The following CDH4 variants were observed in gnomAD, a reference collection of about 807,000 sequenced individuals.
The protein encoded by CDH4 is cadherin 4.
CDH4 carries 33 observed loss-of-function variants against 86.0 expected under a neutral mutation model. The observed-to-expected ratio is 0.38, with a 90% CI of 0.29 to 0.51. CDH4 has a LOEUF of 0.51. Among genes scored for constraint, CDH4 ranks in the 20% least tolerant of loss-of-function variants. CDH4 has a pLI of 0.86. For missense variants in CDH4, 1,114 were observed against 1,307.4 expected (o/e 0.85, Z 2.28); for synonymous variants, 555 against 549.4 (o/e 1.01, Z -0.14).
At chr20:61,871,019 C>T (rs571770705) in intron 6 of CDH4, among the ~76,000 whole-genome samples, 2 of 147,786 alleles carry the variant, frequency 1.4e-5, no homozygotes, top group Non-Finnish European at 3.0e-5. Flanking sequence ...ATAAACATTA[C>T]GTATATGTAT....
At chr20:61,604,059 C>T (rs1031219636) in intron 2 of CDH4, among the ~76,000 whole-genome samples, 10 of 152,160 alleles carry the variant, frequency 6.6e-5, no homozygotes, top group Admixed American at 3.9e-4. Flanking sequence ...AGCTCCCTGC[C>T]GAGCCTCCCC....
rs963946226 is a variant in CDH4, at chr20:61,803,494, C to T, written c.576+30312C>T. ...GATTACATGTTAAGGTAGCTTTGGT[C>T]GGGGGATTAGAGCCGAAATCTCTGC... On this transcript the variant is annotated intron_variant, in intron 4 of 15. Coordinates refer to ENST00000614565, the MANE Select transcript of CDH4 (RefSeq NM_001794.5). Among the ~76,000 whole-genome samples, 10 of 152,196 alleles carry T rather than the reference C, an allele frequency of 6.6e-5. 1 individual carries two copies. The South Asian group carries it at 8.3e-4, about 13-fold the overall frequency.
intron 4 of CDH4, among the ~76,000 whole-genome samples, chr20:61,776,038 G>T (rs1422257557): frequency 6.6e-6 from 1 of 152,124 alleles, no homozygotes; most frequent in Non-Finnish European, 1.5e-5. Flanking sequence ...AGTGGCTGAG[G>T]AAGTGTGGGC....
At chr20:61,764,632 C>T (rs2088677474) in intron 3 of CDH4, among the ~76,000 whole-genome samples, 1 of 152,228 alleles carries the variant, frequency 6.6e-6, no homozygotes, top group Non-Finnish European at 1.5e-5. Context: ...AAAAGCCAAG[C>T]TCCACTTATG....
intron 2 of CDH4, among the ~76,000 whole-genome samples, chr20:61,285,333 A>G (rs994173578): frequency 5.9e-5 from 9 of 152,228 alleles, no homozygotes; most frequent in Non-Finnish European, 1.3e-4. Flanking sequence ...ATAGGAGTGT[A>G]GCATAGAGCA....
chr20:61,792,187 A>G (rs752855557), intron 4 of CDH4, among the ~76,000 whole-genome samples: 4 of 152,110 alleles, frequency 2.6e-5, no homozygotes, highest in Non-Finnish European at 4.4e-5. Context: ...CCTGCAGGGA[A>G]GGACCCAGAG....
At chr20:61,442,340 T>C (rs1395551401) in intron 2 of CDH4, among the ~76,000 whole-genome samples, 1 of 152,220 alleles carries the variant, frequency 6.6e-6, no homozygotes, top group Non-Finnish European at 1.5e-5. Context: ...AATACTCCAC[T>C]TGCAGAACCT....
Position 61,828,028 on chromosome 20 carries a change from C to T in CDH4, c.577-16640C>T, listed in dbSNP as rs144648614. 1.9e-3 allele frequency among the ~76,000 whole-genome samples: 294 copies of T among 152,302 alleles called. 2 individuals are homozygous for T. The highest frequency in any genetic ancestry group is 6.9e-3 in the African/African-American group (286 of 41,550). ...GCAAAAGAACTAAGCATTTTCCTGA[C>T]ATTTCTATATGCCCACTGCCTCAAG... On this transcript the variant is annotated intron_variant, in intron 4 of 15. Coordinates refer to ENST00000614565, the MANE Select transcript of CDH4 (RefSeq NM_001794.5).
chr20:61,463,405 G>C (rs528729194), intron 2 of CDH4, among the ~76,000 whole-genome samples: 1 of 152,332 alleles, frequency 6.6e-6, no homozygotes, highest in South Asian at 2.1e-4. Context: ...TCAACCAAGT[G>C]AGGTGAGGCC....
chr20:61,602,418 T>G (rs1441763439), intron 2 of CDH4, among the ~76,000 whole-genome samples: 1 of 152,086 alleles, frequency 6.6e-6, no homozygotes, highest in Non-Finnish European at 1.5e-5. Flanking sequence ...GACTCCACTG[T>G]CATGAACAGC....
intron 4 of CDH4, among the ~76,000 whole-genome samples, chr20:61,795,347 A>C (rs1979484316): frequency 6.6e-6 from 1 of 151,892 alleles, no homozygotes; most frequent in African/African-American, 2.4e-5. Flanking sequence ...CCCATCAGCC[A>C]GTTGCTCTCC....
rs191030229 is a variant in CDH4 at position 61,713,916 on chromosome 20, G to A, written c.170-29647G>A. ...CCCCATGCTCAGCTTTCCCCGTGCA[G>A]TGGGCTGATCAGATGTGTGTTCACC... On this transcript the variant is annotated intron_variant, in intron 2 of 15. Transcript: ENST00000614565. Among the ~76,000 whole-genome samples, 600 of 152,322 alleles carry A rather than the reference G, an allele frequency of 3.9e-3. 14 individuals are homozygous for A. The highest frequency in any genetic ancestry group is 0.034 in the Admixed American group (527 of 15,304).
chr20:61,924,431 A>G lies in CDH4; in HGVS notation c.1726A>G (p.Thr576Ala). Residue 576 changes from threonine to alanine, a missense_variant, in exon 11 of 16, where the codon ACC (threonine) becomes GCC (alanine). Coordinates refer to ENST00000614565, the MANE Select transcript of CDH4 (RefSeq NM_001794.5). ...AGTGCTGGACCGTGAGTCCCTCTAC[A>G]CCAAAAACAACGTCTACGAGGCCAC... ...AAVLDRESLY[T>A]KNNVYEATFL... is the part of the protein sequence containing the mutation. 1 of 1,613,662 alleles carries G rather than the reference A, an allele frequency of 6.2e-7. No individual in the cohort carries two copies.
chr20:61,542,617 G>A (rs953997745), intron 2 of CDH4, among the ~76,000 whole-genome samples: 1 of 152,098 alleles, frequency 6.6e-6, no homozygotes, highest in East Asian at 1.9e-4. Context: ...TTTTAAGTTA[G>A]CATAAGAAAA....
intron 2 of CDH4, among the ~76,000 whole-genome samples, chr20:61,479,503 G>A (rs1254482284): frequency 2.0e-5 from 3 of 152,110 alleles, no homozygotes; most frequent in African/African-American, 4.8e-5. Flanking sequence ...ACATGCACAC[G>A]TATGTTTATT....
intron 4 of CDH4, among the ~76,000 whole-genome samples, chr20:61,827,166 T>G (rs1303007481): frequency 2.0e-5 from 3 of 152,158 alleles, no homozygotes; most frequent in Non-Finnish European, 2.9e-5. Context: ...AAAGTTATCT[T>G]TTACAATACA....
intron 2 of CDH4, among the ~76,000 whole-genome samples, chr20:61,484,239 A>G (rs1195316562): frequency 1.3e-5 from 2 of 152,126 alleles, no homozygotes; most frequent in Non-Finnish European, 2.9e-5. Flanking sequence ...ACTTGCCACC[A>G]TGCCATGTAC....
At chr20:61,736,890 CGTG>C (rs1224762480) in intron 2 of CDH4, among the ~76,000 whole-genome samples, 1 of 152,090 alleles carries the variant, frequency 6.6e-6, no homozygotes, top group Non-Finnish European at 1.5e-5. Context: ...CTGCCGAAGA[CGTG>C]GGTGACAGGC....
At chr20:61,849,530 G>T (rs948995488) in intron 5 of CDH4, among the ~76,000 whole-genome samples, 4 of 152,038 alleles carry the variant, frequency 2.6e-5, no homozygotes, top group African/African-American at 9.7e-5. Context: ...CGGCCCTAGG[G>T]AGGATCTGCC....
Sources: allele counts gnomAD v4.1 joint callset (sites outside exome capture counted in the v4.1 genomes callset), GRCh38; gene constraint gnomAD v4.1.1; transcripts MANE v1.5; gene names NCBI Gene and HGNC (gene_info 2026-07-23, HGNC 2026-07-21).